The following NCOA1 variants were observed in gnomAD, a reference collection of about 807,000 sequenced individuals.
NCOA1 encodes the protein Hin-2 protein.
NCOA1 carries 35 observed loss-of-function variants against 150.9 expected under a neutral mutation model. The ratio of observed to expected loss-of-function variants is 0.23; its 90% confidence interval spans 0.18 to 0.31. The LOEUF is 0.31. Among genes scored for constraint, NCOA1 ranks in the 10% least tolerant of loss-of-function variants. The pLI is 1.00. For synonymous variants in NCOA1, 590 were observed against 630.0 expected (o/e 0.94, Z 0.95); for missense variants, 1,491 against 1,749.3 (o/e 0.85, Z 2.63).
chr2:24,708,850 A>G (rs1045909677), intron 13 of NCOA1, among the ~76,000 whole-genome samples: 4 of 152,218 alleles, frequency 2.6e-5, no homozygotes, highest in African/African-American at 9.6e-5. Flanking sequence ...TGTCATTCCT[A>G]GAATAAGCCA....
intron 3 of NCOA1, among the ~76,000 whole-genome samples, chr2:24,598,279 T>A (rs1667963491): frequency 6.6e-6 from 1 of 152,152 alleles, no homozygotes; most frequent in African/African-American, 2.4e-5. Flanking sequence ...GATTCAGCAT[T>A]CTCGTAAATG....
intron 1 of NCOA1, among the ~76,000 whole-genome samples, chr2:24,561,288 T>C (rs1049699283): frequency 1.3e-5 from 2 of 152,182 alleles, no homozygotes; most frequent in African/African-American, 4.8e-5. Flanking sequence ...TTCTTAGATA[T>C]AGGTTTCCTT....
chr2:24,763,883 A>G (rs971965902), intron 22 of NCOA1, among the ~76,000 whole-genome samples: 2 of 151,882 alleles, frequency 1.3e-5, no homozygotes, highest in African/African-American at 4.8e-5. Context: ...CGGCCTCCCA[A>G]AGTGCTAGGA....
At chr2:24,680,661 A>G (rs1229139848) in intron 7 of NCOA1, among the ~76,000 whole-genome samples, 2 of 152,218 alleles carry the variant, frequency 1.3e-5, no homozygotes, top group African/African-American at 4.8e-5. Context: ...ATTGAACATT[A>G]TGGTGACTGT....
intron 19 of NCOA1, among the ~76,000 whole-genome samples, chr2:24,751,354 G>A (rs56397001): frequency 0.053 from 7,975 of 151,404 alleles, 291 homozygotes; most frequent in Non-Finnish European, 0.075. Flanking sequence ...AGGCCAAGGC[G>A]GGTGGATCAC....
intron 1 of NCOA1, among the ~76,000 whole-genome samples, chr2:24,563,877 AT>A (rs1572423310): frequency 6.6e-6 from 1 of 152,196 alleles, no homozygotes; most frequent in Admixed American, 6.5e-5. Context: ...AATAATAGCC[AT>A]GATATCAGGT....
chr2:24,501,903 C>A (rs1663478985), intron 1 of NCOA1, among the ~76,000 whole-genome samples: 1 of 152,126 alleles, frequency 6.6e-6, no homozygotes, highest in Admixed American at 6.5e-5. Flanking sequence ...TCCAGTTGTA[C>A]CCTCTTGCCA....
At chr2:24,494,460 A>C (rs1340276537) in intron 1 of NCOA1, among the ~76,000 whole-genome samples, 1 of 152,170 alleles carries the variant, frequency 6.6e-6, no homozygotes, top group African/African-American at 2.4e-5. Flanking sequence ...GGCTTAACAT[A>C]GTTTTCATTA....
chr2:24,605,675 T>TAA (rs1668332261), intron 3 of NCOA1, among the ~76,000 whole-genome samples: 1 of 152,232 alleles, frequency 6.6e-6, no homozygotes, highest in Non-Finnish European at 1.5e-5. Context: ...AGAGGGTGGC[T>TAA]AGATATACAC....
At chr2:24,745,767 A>G (rs946084886) in intron 19 of NCOA1, among the ~76,000 whole-genome samples, 8 of 152,180 alleles carry the variant, frequency 5.3e-5, no homozygotes, top group African/African-American at 1.9e-4. Context: ...AACTTGTACA[A>G]ACCTAGACTC....
chr2:24,621,749 G>A (rs1444254422), intron 3 of NCOA1, among the ~76,000 whole-genome samples: 1 of 152,074 alleles, frequency 6.6e-6, no homozygotes, highest in African/African-American at 2.4e-5. Context: ...CAAAGTGCTG[G>A]GATTACAGGC....
chr2:24,558,230 G>A (rs540492018), intron 1 of NCOA1, among the ~76,000 whole-genome samples: 1 of 152,000 alleles, frequency 6.6e-6, no homozygotes, highest in South Asian at 2.1e-4. Flanking sequence ...CTTCATCCCT[G>A]TCCAGGCTAC....
intron 2 of NCOA1, among the ~76,000 whole-genome samples, chr2:24,567,391 T>C: frequency 6.6e-6 from 1 of 152,184 alleles, no homozygotes; most frequent in African/African-American, 2.4e-5. Flanking sequence ...TTAGGAACAT[T>C]AGTGGAATGC....
At chr2:24,552,278 C>A (rs1183413198) in intron 1 of NCOA1, among the ~76,000 whole-genome samples, 1 of 129,082 alleles carries the variant, frequency 7.7e-6, no homozygotes, top group East Asian at 2.2e-4. Context: ...TAATGTATCA[C>A]CAATTATTGA....
Position 24,700,443 on chromosome 2 carries a change from G to C in NCOA1, c.949+2645G>C, listed in dbSNP as rs17046485. 9.9e-5 allele frequency among the ~76,000 whole-genome samples: 15 copies of C among 152,124 alleles called. No homozygotes were observed. In the East Asian group the frequency reaches 2.9e-3, roughly 29 times the overall value. On this transcript the variant is annotated intron_variant, in intron 11 of 22. Coordinates refer to ENST00000348332, the MANE Select transcript of NCOA1 (RefSeq NM_003743.5). ...AGCAACTAGTCTAAAATCCTAACAT[G>C]CGTTAAAATTTCTAGTTTTAGTTTA...
intron 6 of NCOA1, among the ~76,000 whole-genome samples, chr2:24,669,995 A>G (rs1013805785): frequency 6.6e-6 from 1 of 152,194 alleles, no homozygotes; most frequent in Non-Finnish European, 1.5e-5. Flanking sequence ...AAAATTACCC[A>G]GGCACAGTGG....
At chr2:24,747,164 A>G (rs1382246675) in intron 19 of NCOA1, among the ~76,000 whole-genome samples, 1 of 152,136 alleles carries the variant, frequency 6.6e-6, no homozygotes, top group Non-Finnish European at 1.5e-5. Flanking sequence ...GTTCATTCCA[A>G]TATGAACAGT....
chr2:24,553,478 A>G (rs776078997), intron 1 of NCOA1, among the ~76,000 whole-genome samples: 2 of 152,192 alleles, frequency 1.3e-5, no homozygotes, highest in African/African-American at 4.8e-5. Context: ...TCGGCCTCCC[A>G]AAGTGCAGGG....
chr2:24,537,436 A>G (rs368461383), intron 1 of NCOA1, among the ~76,000 whole-genome samples: 8 of 151,702 alleles, frequency 5.3e-5, no homozygotes, highest in Non-Finnish European at 7.4e-5. Flanking sequence ...GTGTGTGTGT[A>G]TATATACATA....
Sources: allele counts gnomAD v4.1 joint callset (sites outside exome capture counted in the v4.1 genomes callset), GRCh38; gene constraint gnomAD v4.1.1; transcripts MANE v1.5; gene names NCBI Gene and HGNC (gene_info 2026-07-23, HGNC 2026-07-21).